The following ALG1L2 variants were observed in gnomAD, a reference collection of about 807,000 sequenced individuals.
The protein encoded by ALG1L2 is putative glycosyltransferase ALG1L2.
Under a neutral mutation model 29.0 loss-of-function variants are expected in ALG1L2, and 32 were observed. The ratio of observed to expected loss-of-function variants is 1.10; its 90% CI spans 0.83 to 1.48. ALG1L2 has a LOEUF of 1.48. Among genes scored for constraint, ALG1L2 ranks in the 40% most tolerant of loss-of-function variants. The pLI is 0.00. For synonymous variants in ALG1L2, 110 were observed against 109.5 expected, an observed-to-expected ratio of 1.00 and a Z score of -0.03; for missense variants, 318 against 274.1, an observed-to-expected ratio of 1.16 and a Z score of -1.13.
intron 1 of ALG1L2, chr3:130,089,488 C>CAAAAAAAAAAAAAAA (rs143039942): frequency 2.0e-5 from 2 of 100,324 alleles, no homozygotes; most frequent in African/African-American, 8.0e-5. Context: ...CCTTCATAAT[C>CAAAAAAAAAAAAAAA]AAAAAAAGAA....
At chr3:130,096,018 G>C (rs758138657) in intron 5 of ALG1L2, 31 bp from the exon 6 acceptor site, 3 of 1,587,200 alleles carry the variant, frequency 1.9e-6, no homozygotes, top group Non-Finnish European at 8.6e-7. Context: ...GCAGAGACCA[G>C]CGCTCTGGCC....
At chr3:130,087,065 C>T (rs1209984210) in intron 1 of ALG1L2, among the ~76,000 whole-genome samples, 1 of 149,620 alleles carries the variant, frequency 6.7e-6, no homozygotes, top group East Asian at 1.9e-4. Context: ...AGATAAATGG[C>T]TACATAAGAT....
At chr3:130,093,048 A>AAAAAAAAAAAAAC in intron 3 of ALG1L2, 53 bp from the exon 4 acceptor site, 1 of 1,516,236 alleles carries the variant, frequency 6.6e-7, no homozygotes, top group South Asian at 1.2e-5. Context: ...AAAAAAAAAA[A>AAAAAAAAAAAAAC]AAAAAATTAA....
chr3:130,095,391 G>C (rs1267943307), intron 5 of ALG1L2, among the ~76,000 whole-genome samples: 1 of 145,928 alleles, frequency 6.9e-6, no homozygotes, highest in Admixed American at 7.2e-5. Context: ...CAGCTGGTTT[G>C]TGGTGGGTGT....
At chr3:130,087,291 C>G (rs1484885106) in intron 1 of ALG1L2, among the ~76,000 whole-genome samples, 2 of 150,252 alleles carry the variant, frequency 1.3e-5, no homozygotes, top group African/African-American at 4.8e-5. Flanking sequence ...GAAACATCAG[C>G]CAAATCCAAA....
chr3:130,091,185 C>T (rs1203420246), intron 1 of ALG1L2, 76 bp from the exon 2 acceptor site: 1 of 1,425,976 alleles, frequency 7.0e-7, no homozygotes, highest in East Asian at 2.3e-5. Flanking sequence ...GGGCATGGAA[C>T]CCAAATGAGT....
At chr3:130,094,108 G>A in intron 4 of ALG1L2, 1 of 447,242 alleles carries the variant, frequency 2.2e-6, no homozygotes, top group South Asian at 2.1e-5. Flanking sequence ...AGAAGGCTGG[G>A]CCCACCCAGT....
rs1176918694 is a variant in ALG1L2, at chr3:130,096,243, C to T, written c.539+80C>T. On this transcript the variant is annotated intron_variant, in intron 6 of 7. Transcript: ENST00000425059. ...GGGGGAAGCAGTGCAGAGTGAGCTG[C>T]CCACAGTGAGGCCCTGCCCCTCGGT... The T allele has an allele frequency of 4.0e-6, 6 of 1,515,176 alleles. No individual in the cohort carries two copies. In the East Asian group the frequency reaches 1.2e-4, roughly 30 times the overall value. 93.9% of individuals were successfully genotyped at this position (1,515,176 alleles called of 1,614,324 possible).
chr3:130,091,450 A>G, intron 2 of ALG1L2, 79 bp downstream of exon 2: 1 of 1,434,292 alleles, frequency 7.0e-7, no homozygotes, highest in South Asian at 1.2e-5. Flanking sequence ...CAGACCTGGG[A>G]ACCCACTCAT....
At chr3:130,093,940 T>G (rs1205314577) in intron 4 of ALG1L2, 5 of 215,892 alleles carry the variant, frequency 2.3e-5, no homozygotes, top group Admixed American at 5.4e-5. Flanking sequence ...CCGCGCCATG[T>G]GCTCTGGAGG....
chr3:130,090,448 T>TC (rs1934992328), intron 1 of ALG1L2, among the ~76,000 whole-genome samples: 1 of 152,310 alleles, frequency 6.6e-6, no homozygotes, highest in African/African-American at 2.4e-5. Context: ...CAGTGAGAAT[T>TC]CCCCTGTGGT....
At chr3:130,089,638 A>G (rs1934967055) in intron 1 of ALG1L2, among the ~76,000 whole-genome samples, 1 of 152,416 alleles carries the variant, frequency 6.6e-6, no homozygotes. Flanking sequence ...TGGTGACTAA[A>G]TTATTTAATA....
chr3:130,094,692 G>T (rs1935093349), intron 5 of ALG1L2, among the ~76,000 whole-genome samples, 179 bp downstream of exon 5: 1 of 152,196 alleles, frequency 6.6e-6, no homozygotes. Context: ...CTCCCTGCCA[G>T]GTGGCCCCAG....
chr3:130,082,750 C>T (rs1401390495), intron 1 of ALG1L2, among the ~76,000 whole-genome samples: 6 of 148,682 alleles, frequency 4.0e-5, no homozygotes, highest in South Asian at 2.1e-4. Context: ...CTCCCCATGG[C>T]GTGTCTGCTG....
intron 5 of ALG1L2, among the ~76,000 whole-genome samples, chr3:130,095,518 C>A (rs1346493794): frequency 6.6e-6 from 1 of 151,914 alleles, no homozygotes; most frequent in Non-Finnish European, 1.5e-5. Flanking sequence ...TCACTGCAAC[C>A]TCTTCTTTCC....
At chr3:130,083,935 C>T (rs1934838436) in intron 1 of ALG1L2, among the ~76,000 whole-genome samples, 1 of 151,242 alleles carries the variant, frequency 6.6e-6, no homozygotes, top group Non-Finnish European at 1.5e-5. Flanking sequence ...TTAGGCATGG[C>T]TGCAGGGTTT....
rs183887858 is a variant in ALG1L2, at chr3:130,092,172, C to T, written c.203C>T (p.Thr68Met). 3.4e-4 allele frequency: 542 copies of T among 1,612,922 alleles called. 1 individual carries two copies. Among genetic ancestry groups the T allele is most frequent in the East Asian group, 1.0e-3 (47 of 44,834 alleles). Residue 68 changes from threonine to methionine, a missense_variant, in exon 3 of 8, where the codon ACG (threonine) becomes ATG (methionine). By Grantham distance (81) the Thr-to-Met change is moderately conservative. Transcript: ENST00000425059. The stretch of plus-strand genomic sequence containing the variant: ...CGGGATTCTGGGAGCGGGCTGGTGA[C>T]GCGTCTCCACGAGCGGCCAGCCCTG... Reference protein sequence around the residue: ...TERDSGSGLVTRLHERPALLV... With the variant: ...TERDSGSGLVMRLHERPALLV...
chr3:130,096,521 G>A (rs2929796), intron 6 of ALG1L2, among the ~76,000 whole-genome samples: 23,492 of 151,116 alleles, frequency 0.16, 2,047 homozygotes, highest in East Asian at 0.29. Context: ...GGAATTGCCT[G>A]CAGGCTTACA....
At chr3:130,096,021 C>A (rs749823323) in intron 5 of ALG1L2, 28 bp from the exon 6 acceptor site, 7 of 1,593,258 alleles carry the variant, frequency 4.4e-6, no homozygotes, top group Admixed American at 1.8e-5. Context: ...GAGACCAGCG[C>A]TCTGGCCACA....
Sources: allele counts gnomAD v4.1 joint callset (sites outside exome capture counted in the v4.1 genomes callset), GRCh38; gene constraint gnomAD v4.1.1; transcripts MANE v1.5; gene names NCBI Gene and HGNC (gene_info 2026-07-23, HGNC 2026-07-21).